RFX2: variants seen among roughly 807,000 people sequenced by gnomAD.
The protein encoded by RFX2 is DNA-binding protein RFX2.
In RFX2, 20 loss-of-function variants were observed where a neutral mutation model predicts 87.8. The ratio of observed to expected loss-of-function variants is 0.23; its 90% CI spans 0.16 to 0.33. RFX2 has a LOEUF of 0.33. Ranked by LOEUF, RFX2 falls within the 10% of genes least tolerant of loss-of-function variation. The pLI, the probability that RFX2 is intolerant of heterozygous loss-of-function variation, is 1.00. For synonymous variants in RFX2, 397 were observed against 431.3 expected (o/e 0.92, Z 0.98); for missense variants, 767 against 1,012.3 (o/e 0.76, Z 3.29).
In RFX2 at chr19:6,026,276, G is replaced by GT; in HGVS notation, c.523-40_523-39insA. Reference sequence around the variant, plus strand: ...GTGCAGAAACAAAACAAAACAAAATGGAAAAAAAAAAAAAGGAAATCAGAT... The same window carrying GT: ...GTGCAGAAACAAAACAAAACAAAATGTGAAAAAAAAAAAAAGGAAATCAGAT... On this transcript the variant is annotated intron_variant, in intron 5 of 17. Coordinates refer to ENST00000303657, the MANE Select transcript of RFX2 (RefSeq NM_000635.4). This position sits in a 1 kb window ranked among gnomAD's most constrained non-coding sequence, Gnocchi z 4.5. 6.7e-7 allele frequency: 1 copy of GT among 1,486,714 alleles called. No homozygotes were observed. The allele number at this position is 1,486,714 out of a possible 1,614,324, so 92.1% of individuals were successfully genotyped here.
At chr19:6,029,679 A>G (rs981818807) in intron 5 of RFX2, among the ~76,000 whole-genome samples, 2 of 152,194 alleles carry the variant, frequency 1.3e-5, no homozygotes, top group African/African-American at 2.4e-5. Context: ...CTGCACTCCA[A>G]CCTGGGTGAC....
intron 12 of RFX2, among the ~76,000 whole-genome samples, chr19:6,005,585 C>T (rs772597676): frequency 6.6e-6 from 1 of 152,180 alleles, no homozygotes; most frequent in African/African-American, 2.4e-5. Context: ...TGATCTCTGC[C>T]GTGGGCCTAG....
At chr19:6,098,379 G>A (rs1461247619) in intron 1 of RFX2, among the ~76,000 whole-genome samples, 1 of 152,010 alleles carries the variant, frequency 6.6e-6, no homozygotes, top group African/African-American at 2.4e-5. Flanking sequence ...CAGCGCAGTG[G>A]GTGCTTGGCT....
Position 6,045,550 on chromosome 19 carries a change from C to A in RFX2, c.91-1268G>T, listed in dbSNP as rs1342657697. Among the ~76,000 whole-genome samples, 1 of 152,174 alleles carries A rather than the reference C, an allele frequency of 6.6e-6. No homozygotes were observed. The highest frequency in any genetic ancestry group is 1.5e-5 in the Non-Finnish European group (1 of 68,026). ...CACCTCAGATGGGCTTCCAAGACGC[C>A]CTCCCCACTGCCATATGTGCAAGAA... is the stretch of plus-strand genomic sequence containing the variant. On this transcript the variant is annotated intron_variant, in intron 2 of 17. Coordinates refer to ENST00000303657, the MANE Select transcript of RFX2 (RefSeq NM_000635.4). The surrounding 1 kb of genome is among the most constrained non-coding windows in gnomAD (Gnocchi z 5.2).
At chr19:6,108,135 G>A (rs538321637) in intron 1 of RFX2, among the ~76,000 whole-genome samples, 2 of 152,312 alleles carry the variant, frequency 1.3e-5, no homozygotes, top group Admixed American at 6.5e-5. Context: ...AACTGTCACA[G>A]AATCACAGAA....
chr19:6,024,876 G>GAGGACGGGATCACGGTGAGGACGGGAGTC lies in RFX2; in HGVS notation c.597+1258_597+1286dup, dbSNP rs1568512626. On this transcript the variant is annotated intron_variant, in intron 6 of 17. Coordinates refer to ENST00000303657, the MANE Select transcript of RFX2 (RefSeq NM_000635.4). This position sits in a 1 kb window ranked among gnomAD's most constrained non-coding sequence, Gnocchi z 5.0. ...ACGGGATCACGGTGAGGACGGGAGTGAGGACGGGATCACGGTGAGGACGGG... is the reference window on the plus strand; with the variant it reads ...ACGGGATCACGGTGAGGACGGGAGTGAGGACGGGATCACGGTGAGGACGGGAGTCAGGACGGGATCACGGTGAGGACGGG... Among the ~76,000 whole-genome samples, 93 of 110,492 alleles carry GAGGACGGGATCACGGTGAGGACGGGAGTC rather than the reference G, an allele frequency of 8.4e-4. 42 individuals carry two copies. The highest frequency in any genetic ancestry group is 6.5e-3 in the African/African-American group (79 of 12,080). The allele number at this position is 110,492 out of a possible 152,430, so 72.5% of individuals were successfully genotyped here.
chr19:6,003,059 C>G (rs371642886), intron 13 of RFX2, among the ~76,000 whole-genome samples, 189 bp from the exon 14 acceptor site: 10 of 152,134 alleles, frequency 6.6e-5, no homozygotes, highest in African/African-American at 1.7e-4. Flanking sequence ...GAAGAGGAGA[C>G]CTCGCCGGCA....
chr19:6,007,968 G>A lies in RFX2; in HGVS notation c.1134+138C>T, dbSNP rs1280549476. 1 of 798,194 alleles carries A rather than the reference G, an allele frequency of 1.3e-6. No individual in the cohort carries two copies. Among genetic ancestry groups the A allele is most frequent in the Non-Finnish European group, 2.1e-6 (1 of 467,560 alleles). The allele number at this position is 798,194 out of a possible 1,614,324, so 49.4% of individuals were successfully genotyped here. On this transcript the variant is annotated intron_variant, in intron 10 of 17. Coordinates refer to ENST00000303657, the MANE Select transcript of RFX2 (RefSeq NM_000635.4). This position sits in a 1 kb window ranked among gnomAD's most constrained non-coding sequence, Gnocchi z 8.2. Reference sequence around the variant, plus strand: ...AGGCGATGGACATGGATGCGGAGGGGCTGCTGCTTCAGAGAGGATGCTTGT... The same window carrying A: ...AGGCGATGGACATGGATGCGGAGGGACTGCTGCTTCAGAGAGGATGCTTGT...
Position 6,004,334 on chromosome 19 carries a change from A to G in RFX2, c.1403-36T>C. On this transcript the variant is annotated intron_variant, in intron 12 of 17. Coordinates refer to ENST00000303657, the MANE Select transcript of RFX2 (RefSeq NM_000635.4). This position sits in a 1 kb window ranked among gnomAD's most constrained non-coding sequence, Gnocchi z 4.8. The stretch of plus-strand genomic sequence containing the variant: ...CAGACCATGATATTACCAGGGAGAA[A>G]GGCAGTGACTGGACCCTGGAAATCA... 6 of 1,532,884 alleles carry G rather than the reference A, an allele frequency of 3.9e-6. No individual in the cohort carries two copies. The highest frequency in any genetic ancestry group is 5.4e-6 in the Non-Finnish European group (6 of 1,105,988). The allele number at this position is 1,532,884 out of a possible 1,614,324, so 95.0% of individuals were successfully genotyped here. A position where few individuals can be genotyped will look rare whatever the true frequency, so the allele number is the denominator to read the frequency against.
chr19:6,000,060 T>C (rs966934358), intron 15 of RFX2, among the ~76,000 whole-genome samples: 2 of 151,862 alleles, frequency 1.3e-5, no homozygotes, highest in Non-Finnish European at 2.9e-5. Flanking sequence ...TCTTGGCTCA[T>C]TGCAACCTCT....
chr19:6,024,396 C>T lies in RFX2; in HGVS notation c.597+1767G>A, dbSNP rs576090724. 3.0e-4 allele frequency among the ~76,000 whole-genome samples: 45 copies of T among 152,298 alleles called. No homozygotes were observed. The highest frequency in any genetic ancestry group is 9.9e-4 in the African/African-American group (41 of 41,558). ...CCAGCAGTGACAGATGACAGGATGA[C>T]CATGTCCTACCCAGCCTGGAGAGGG... is the stretch of plus-strand genomic sequence containing the variant. On this transcript the variant is annotated intron_variant, in intron 6 of 17. Coordinates refer to ENST00000303657, the MANE Select transcript of RFX2 (RefSeq NM_000635.4). This position sits in a 1 kb window ranked among gnomAD's most constrained non-coding sequence, Gnocchi z 5.0.
chr19:6,064,038 T>C lies in RFX2; in HGVS notation c.-8-16534A>G, dbSNP rs2087476392. Among the ~76,000 whole-genome samples, 1 of 152,234 alleles carries C rather than the reference T, an allele frequency of 6.6e-6. No homozygotes were observed. Among genetic ancestry groups the C allele is most frequent in the African/African-American group, 2.4e-5 (1 of 41,460 alleles). ...TGGCTTCTTGGCCAGCCAGCCCTTCTTGAGAAAACAAAGTCTGGATCTATG... is the reference window on the plus strand; with the variant it reads ...TGGCTTCTTGGCCAGCCAGCCCTTCCTGAGAAAACAAAGTCTGGATCTATG... On this transcript the variant is annotated intron_variant, in intron 1 of 17. Coordinates refer to ENST00000303657, the MANE Select transcript of RFX2 (RefSeq NM_000635.4). The surrounding 1 kb of genome is among the most constrained non-coding windows in gnomAD (Gnocchi z 4.8).
chr19:6,008,523 C>T (rs1256922429), intron 9 of RFX2, among the ~76,000 whole-genome samples: 1 of 151,662 alleles, frequency 6.6e-6, no homozygotes, highest in African/African-American at 2.4e-5. Context: ...CAGGTGGGCG[C>T]CACGATGCCA....
chr19:6,062,764 G>C (rs2087455229), intron 1 of RFX2, among the ~76,000 whole-genome samples: 1 of 152,194 alleles, frequency 6.6e-6, no homozygotes, highest in South Asian at 2.1e-4. Flanking sequence ...GGTTCCAGTT[G>C]AGAAGTAAGT....
In RFX2 at chr19:6,042,209, G is replaced by C. The variant is rs551808301; in HGVS notation, c.181-86C>G. ...ATTCAAGCTAGACGTGTCTTCTATT[G>C]CCTTTATGAACATTTAGTACCAAAT... is the stretch of plus-strand genomic sequence containing the variant. On this transcript the variant is annotated intron_variant, in intron 3 of 17. Transcript: ENST00000303657. 1.4e-5 allele frequency: 17 copies of C among 1,179,598 alleles called. 1 individual carries two copies. The highest frequency in any genetic ancestry group is 1.3e-4 in the African/African-American group (9 of 66,830). The allele number at this position is 1,179,598 out of a possible 1,614,324, so 73.1% of individuals were successfully genotyped here.
chr19:6,016,451 C>T lies in RFX2; in HGVS notation c.598-180G>A, dbSNP rs1220745520. Among the ~76,000 whole-genome samples the T allele has an allele frequency of 3.9e-5, 6 of 152,264 alleles. No homozygotes were observed. Among genetic ancestry groups the T allele is most frequent in the South Asian group, 4.2e-4 (2 of 4,810 alleles). On this transcript the variant is annotated intron_variant, in intron 6 of 17. Coordinates refer to ENST00000303657, the MANE Select transcript of RFX2 (RefSeq NM_000635.4). This position sits in a 1 kb window ranked among gnomAD's most constrained non-coding sequence, Gnocchi z 5.4. ...TGTCACCCAGTCTGGAGTACAGTGG[C>T]GCAATCTCGGCTCACTGCAGCCTCT...
At chr19:6,025,035 A>T (rs2086868641) in intron 6 of RFX2, among the ~76,000 whole-genome samples, 1 of 152,180 alleles carries the variant, frequency 6.6e-6, no homozygotes, top group Admixed American at 6.5e-5. Flanking sequence ...TTCTCAAGAG[A>T]ATGTCAGAGC....
At position 6,002,900 on chromosome 19, in the gene RFX2, G is replaced by C. The variant is rs1371667527; in HGVS notation, c.1501-30C>G. 3.2e-6 allele frequency: 5 copies of C among 1,586,588 alleles called. No homozygotes were observed. In the East Asian group the frequency reaches 1.1e-4, roughly 36 times the overall value. On this transcript the variant is annotated intron_variant, in intron 13 of 17. Coordinates refer to ENST00000303657, the MANE Select transcript of RFX2 (RefSeq NM_000635.4). The surrounding 1 kb of genome is among the most constrained non-coding windows in gnomAD (Gnocchi z 6.7). ...AAGCCAGGGCTCGTGGTGAGCAGGGGTTCGCAGGGAGAGCCTGTTCCGCTG... is the reference window on the plus strand; with the variant it reads ...AAGCCAGGGCTCGTGGTGAGCAGGGCTTCGCAGGGAGAGCCTGTTCCGCTG...
chr19:6,041,959 A>C, intron 4 of RFX2, 85 bp downstream of exon 4: 1 of 984,292 alleles, frequency 1.0e-6, no homozygotes, highest in Non-Finnish European at 1.6e-6. Context: ...CATAAGGGAG[A>C]GGAATTTGCT....
Sources: allele counts gnomAD v4.1 joint callset (sites outside exome capture counted in the v4.1 genomes callset), GRCh38; gene constraint gnomAD v4.1.1; non-coding constraint Gnocchi (gnomAD v3.1); transcripts MANE v1.5; gene names NCBI Gene and HGNC (gene_info 2026-07-23, HGNC 2026-07-21).